HPSE2: variants seen among roughly 807,000 people sequenced by gnomAD.
HPSE2 encodes the protein inactive heparanase-2.
In HPSE2, 38 loss-of-function variants were observed where a neutral mutation model predicts 60.5. The observed-to-expected ratio is 0.63, with a 90% CI of 0.48 to 0.82. The LOEUF is 0.82. Ranked by LOEUF, HPSE2 falls within the 40% of genes least tolerant of loss-of-function variation. The pLI is 0.00. For missense variants in HPSE2, 713 were observed against 740.4 expected (o/e 0.96, Z 0.43); for synonymous variants, 295 against 293.2 (o/e 1.01, Z -0.06).
chr10:99,013,243 T>C (rs1341265695), intron 3 of HPSE2: 6 of 651,134 alleles, frequency 9.2e-6, no homozygotes, highest in Non-Finnish European at 1.5e-5. Context: ...GCTACAGTTA[T>C]GCATTTTTTA....
intron 2 of HPSE2, among the ~76,000 whole-genome samples, chr10:99,159,239 A>G (rs1301060039): frequency 1.3e-5 from 2 of 152,208 alleles, no homozygotes; most frequent in Non-Finnish European, 2.9e-5. Context: ...AAAGATTAAT[A>G]CAACTGAAAA....
intron 5 of HPSE2, among the ~76,000 whole-genome samples, chr10:98,705,293 T>G (rs982210309): frequency 2.0e-5 from 3 of 152,172 alleles, no homozygotes; most frequent in Admixed American, 2.0e-4. Flanking sequence ...TAGGAATGCT[T>G]TTACACTGTT....
intron 3 of HPSE2, among the ~76,000 whole-genome samples, chr10:99,100,108 G>A (rs1667922187): frequency 6.6e-6 from 1 of 152,220 alleles, no homozygotes; most frequent in South Asian, 2.1e-4. Context: ...AAGGAACGCA[G>A]CTCCTTGTCA....
chr10:98,988,440 A>T (rs1298280496), intron 3 of HPSE2, among the ~76,000 whole-genome samples: 1 of 151,250 alleles, frequency 6.6e-6, no homozygotes, highest in African/African-American at 2.4e-5. Context: ...CTGGCTAGCC[A>T]TATGTAGAAA....
At chr10:98,825,529 T>A (rs1291139219) in intron 3 of HPSE2, among the ~76,000 whole-genome samples, 1 of 150,108 alleles carries the variant, frequency 6.7e-6, no homozygotes, top group African/African-American at 2.4e-5. Context: ...CCAATTCCTT[T>A]TCCTCCTTTG....
At chr10:98,754,580 G>GA (rs961832328) in intron 3 of HPSE2, among the ~76,000 whole-genome samples, 4 of 150,542 alleles carry the variant, frequency 2.7e-5, no homozygotes, top group Non-Finnish European at 3.0e-5. Context: ...AGGTTGATGT[G>GA]AAAAAAAATA....
intron 9 of HPSE2, among the ~76,000 whole-genome samples, chr10:98,602,950 T>A (rs1005795671): frequency 6.6e-6 from 1 of 152,116 alleles, no homozygotes; most frequent in African/African-American, 2.4e-5. Context: ...TCATCAAAAT[T>A]AAAACCTTTT....
intron 3 of HPSE2, among the ~76,000 whole-genome samples, chr10:98,744,724 C>T (rs1157596866): frequency 1.3e-5 from 2 of 152,076 alleles, no homozygotes; most frequent in East Asian, 3.9e-4. Context: ...AAAAGTCAGA[C>T]AATATGGCAC....
At chr10:98,478,920 G>C (rs892105892) in intron 11 of HPSE2, among the ~76,000 whole-genome samples, 1 of 152,116 alleles carries the variant, frequency 6.6e-6, no homozygotes, top group Non-Finnish European at 1.5e-5. Context: ...ACTGGAGTAG[G>C]GGGGTCTTAC....
Position 98,659,465 on chromosome 10 carries a change from T to C in HPSE2, c.1005-17525A>G, listed in dbSNP as rs1947166480. Among the ~76,000 whole-genome samples the C allele has an allele frequency of 2.6e-5, 4 of 152,258 alleles. No homozygotes were observed. The South Asian group carries it at 8.3e-4, about 31-fold the overall frequency. On this transcript the variant is annotated intron_variant, in intron 6 of 11. Coordinates refer to ENST00000370552, the MANE Select transcript of HPSE2 (RefSeq NM_021828.5). The stretch of plus-strand genomic sequence containing the variant: ...ACTGGCTTCCTTCACTTAATGTTTT[T>C]GAAGTTCGTTCACATTGTACCATGT...
intron 3 of HPSE2, among the ~76,000 whole-genome samples, chr10:99,058,149 G>A (rs1050274185): frequency 6.6e-6 from 1 of 152,206 alleles, no homozygotes; most frequent in African/African-American, 2.4e-5. Flanking sequence ...CAGAAAGGCA[G>A]ATTGCCTGAC....
At chr10:99,074,855 G>A (rs1039973889) in intron 3 of HPSE2, among the ~76,000 whole-genome samples, 1 of 152,000 alleles carries the variant, frequency 6.6e-6, no homozygotes, top group Non-Finnish European at 1.5e-5. Flanking sequence ...GTTCATAGTA[G>A]TCTCTTATGA....
chr10:98,918,068 C>T (rs1250973974), intron 3 of HPSE2, among the ~76,000 whole-genome samples: 1 of 152,120 alleles, frequency 6.6e-6, no homozygotes, highest in Non-Finnish European at 1.5e-5. Context: ...AATGTGTTGA[C>T]CCAGTAGTGA....
chr10:98,617,055 A>G (rs1000911836), intron 8 of HPSE2, among the ~76,000 whole-genome samples: 2 of 152,192 alleles, frequency 1.3e-5, no homozygotes, highest in Admixed American at 1.3e-4. Flanking sequence ...TTAAAAGCAA[A>G]TTGTCTTATT....
At chr10:98,846,206 G>A (rs1257089252) in intron 3 of HPSE2, among the ~76,000 whole-genome samples, 2 of 152,132 alleles carry the variant, frequency 1.3e-5, no homozygotes, top group African/African-American at 4.8e-5. Flanking sequence ...GCTTTTGAGA[G>A]TTTTTTTAAA....
intron 3 of HPSE2, among the ~76,000 whole-genome samples, chr10:99,091,715 T>C (rs771591106): frequency 6.6e-6 from 1 of 152,184 alleles, no homozygotes; most frequent in South Asian, 2.1e-4. Context: ...TGCTTTTAAT[T>C]TACTCTTTTA....
chr10:99,235,958 T>G (rs1849833160), upstream of HPSE2: 1 of 564,616 alleles, frequency 1.8e-6, no homozygotes, highest in Middle Eastern at 4.6e-4. Context: ...TCTCCCGCTC[T>G]CTCTCTCTCT....
chr10:98,457,935 T>C lies in HPSE2; in HGVS notation c.*1639A>G, dbSNP rs4917831. The C allele has an allele frequency of 0.58, 87,453 of 151,982 alleles. 26,299 individuals are homozygous for C. Among genetic ancestry groups the C allele is most frequent in the African/African-American group, 0.76 (31,366 of 41,412 alleles). The allele number at this position is 151,982 out of a possible 1,614,324, so 9.4% of individuals were successfully genotyped here. A position where few individuals can be genotyped will look rare whatever the true frequency, so the allele number is the denominator to read the frequency against. On this transcript the variant is annotated 3_prime_UTR_variant, in exon 12 of 12. Coordinates refer to ENST00000370552, the MANE Select transcript of HPSE2 (RefSeq NM_021828.5). The stretch of plus-strand genomic sequence containing the variant: ...TCGCTGTAGTACATCTGCTGTATGC[T>C]GTTCCTCCTGTGCTTAATGATAAGC...
At chr10:98,803,980 T>C (rs1178213298) in intron 3 of HPSE2, among the ~76,000 whole-genome samples, 174 of 152,118 alleles carry the variant, frequency 1.1e-3, no homozygotes, top group Non-Finnish European at 2.1e-3. Flanking sequence ...CATTTGTTTG[T>C]ATCCTCTTTT....
Sources: allele counts gnomAD v4.1 joint callset (sites outside exome capture counted in the v4.1 genomes callset), GRCh38; gene constraint gnomAD v4.1.1; transcripts MANE v1.5; gene names NCBI Gene and HGNC (gene_info 2026-07-23, HGNC 2026-07-21).